Variants in LVRN observed in about 807,000 individuals in gnomAD.
The protein encoded by LVRN is aminopeptidase Q.
In LVRN, 99 loss-of-function variants were observed where a neutral mutation model predicts 111.4. The observed-to-expected ratio is 0.89, with a 90% CI of 0.76 to 1.05. LVRN has a LOEUF of 1.05. Among genes scored for constraint, LVRN ranks in the 50% least tolerant of loss-of-function variants. The pLI, the probability that LVRN is intolerant of heterozygous loss-of-function variation, is 0.00. For missense variants in LVRN, 1,414 were observed against 1,206.8 expected, an observed-to-expected ratio of 1.17 and a Z score of -2.54; for synonymous variants, 488 against 449.5, an observed-to-expected ratio of 1.09 and a Z score of -1.08.
intron 10 of LVRN, among the ~76,000 whole-genome samples, chr5:116,001,960 C>T (rs1178004415): frequency 6.6e-6 from 1 of 152,210 alleles, no homozygotes; most frequent in Non-Finnish European, 1.5e-5. Context: ...AATCTATTAG[C>T]TGATTTTCAA....
rs1747902211 is a variant in LVRN, at chr5:115,987,836, T to C, written c.1002T>C (p.Asp334=). The C allele has an allele frequency of 6.2e-7, 1 of 1,613,026 alleles. No individual in the cohort carries two copies. The highest frequency in any genetic ancestry group is 8.5e-7 in the Non-Finnish European group (1 of 1,179,554). The change falls in exon 4 of 20, where the codon GAT becomes GAC. Residue 334 remains aspartate, a synonymous_variant. Coordinates refer to ENST00000357872, the MANE Select transcript of LVRN (RefSeq NM_173800.5). The stretch of plus-strand genomic sequence containing the variant: ...AGATACGCATCTGGGCCCGGAAAGA[T>C]GCAATTGCAAATGGAAGTGCAGACT... The part of the protein sequence containing the change: ...GKEIRIWARK[D]AIANGSADFA...
At chr5:116,007,139 AGCCTTCGGTCC>A (rs1748392330) in intron 13 of LVRN, among the ~76,000 whole-genome samples, 1 of 152,244 alleles carries the variant, frequency 6.6e-6, no homozygotes, top group Non-Finnish European at 1.5e-5. Context: ...ATTAGCCTCC[AGCCTTCGGTCC>A]TTTTGAATTT....
In LVRN at chr5:116,000,496, A is replaced by C. The variant is rs754706191; in HGVS notation, c.1579A>C (p.Lys527Gln). ...TGAGCATTTATTTGTCAGTGCACTC[A>C]AGGTGAGTTTGCAAAATAGTCGTTA... ...LNEHLFVSAL[K>Q]SYLKTFSYSN... is the part of the protein sequence containing the mutation. Residue 527 changes from lysine (K) to glutamine (Q), a missense_variant and splice_region_variant, in exon 8 of 20, where the codon AAG (lysine) becomes CAG (glutamine). Coordinates refer to ENST00000357872, the MANE Select transcript of LVRN (RefSeq NM_173800.5). The C allele has an allele frequency of 4.3e-6, 7 of 1,614,132 alleles. No homozygotes were observed. Among genetic ancestry groups the C allele is most frequent in the Non-Finnish European group, 5.9e-6 (7 of 1,179,986 alleles).
intron 1 of LVRN, among the ~76,000 whole-genome samples, chr5:115,981,994 C>T (rs1268003637): frequency 6.6e-6 from 1 of 152,084 alleles, no homozygotes; most frequent in Non-Finnish European, 1.5e-5. Flanking sequence ...GTGTGACTGT[C>T]CTGCGTTGCT....
intron 1 of LVRN, among the ~76,000 whole-genome samples, chr5:115,973,695 T>C (rs1295942604): frequency 2.0e-5 from 3 of 152,188 alleles, no homozygotes; most frequent in African/African-American, 7.2e-5. Flanking sequence ...AAGTACAAAA[T>C]TGTTCAAAAT....
chr5:115,962,679 G>A lies in LVRN; in HGVS notation c.62G>A (p.Gly21Glu). 1 of 1,610,712 alleles carries A rather than the reference G, an allele frequency of 6.2e-7. No individual in the cohort carries two copies. Among genetic ancestry groups the A allele is most frequent in the South Asian group, 1.1e-5 (1 of 90,988 alleles). Reference protein sequence around the residue: ...VSRAVALLLAGLVAALLLALA... With the variant: ...VSRAVALLLAELVAALLLALA... The stretch of plus-strand genomic sequence containing the variant: ...CGCGCAGTGGCCCTGCTGCTGGCTG[G>A]GCTGGTAGCCGCCCTCCTGCTGGCG... The change falls in exon 1 of 20, where the codon GGG becomes GAG. Residue 21 changes from glycine (G) to glutamate (E), a missense_variant. Transcript: ENST00000357872.
In LVRN at chr5:116,012,507, A is replaced by G. The variant is rs368929791; in HGVS notation, c.2342+39A>G. 997 of 1,211,036 alleles carry G rather than the reference A, an allele frequency of 8.2e-4. 1 individual carries two copies. Among genetic ancestry groups the G allele is most frequent in the South Asian group, 1.4e-3 (103 of 71,732 alleles). The allele number at this position is 1,211,036 out of a possible 1,614,324, so 75.0% of individuals were successfully genotyped here. The stretch of plus-strand genomic sequence containing the variant: ...CAGAAGTGATAATTGAATAAAATGC[A>G]TTCATATTAATAGGCTTCCAGAAGT... On this transcript the variant is annotated intron_variant, in intron 15 of 19. Transcript: ENST00000357872.
In LVRN at chr5:115,987,858, G is replaced by T; in HGVS notation, c.1024G>T (p.Asp342Tyr). The T allele has an allele frequency of 6.2e-7, 1 of 1,613,348 alleles. No individual in the cohort carries two copies. Among genetic ancestry groups the T allele is most frequent in the South Asian group, 1.1e-5 (1 of 90,988 alleles). ...RKDAIANGSA[D>Y]FALNITGPIF... Reference sequence around the variant, plus strand: ...AGATGCAATTGCAAATGGAAGTGCAGACTTTGCTTTGAACATCACAGGTCC... The same window carrying T: ...AGATGCAATTGCAAATGGAAGTGCATACTTTGCTTTGAACATCACAGGTCC... Residue 342 changes from aspartate (D) to tyrosine (Y), a missense_variant, in exon 4 of 20, where the codon GAC (aspartate) becomes TAC (tyrosine). Coordinates refer to ENST00000357872, the MANE Select transcript of LVRN (RefSeq NM_173800.5).
intron 6 of LVRN, among the ~76,000 whole-genome samples, chr5:115,999,150 G>A (rs535997854): frequency 6.6e-6 from 1 of 152,270 alleles, no homozygotes; most frequent in Non-Finnish European, 1.5e-5. Context: ...TTTTCTTCTA[G>A]CTTTACTTCA....
intron 19 of LVRN, among the ~76,000 whole-genome samples, chr5:116,025,328 A>T (rs894794671): frequency 3.9e-5 from 6 of 152,218 alleles, no homozygotes; most frequent in Non-Finnish European, 8.8e-5. Context: ...TCTTATGGCT[A>T]TAAGCGTTCG....
intron 1 of LVRN, among the ~76,000 whole-genome samples, chr5:115,980,773 A>G (rs748215128): frequency 6.6e-6 from 1 of 152,084 alleles, no homozygotes; most frequent in Non-Finnish European, 1.5e-5. Flanking sequence ...ATACATGAGC[A>G]TGTATTTTTT....
intron 1 of LVRN, among the ~76,000 whole-genome samples, chr5:115,982,485 T>G (rs1404281977): frequency 1.3e-5 from 2 of 152,182 alleles, no homozygotes; most frequent in Non-Finnish European, 2.9e-5. Context: ...AAGCAAGTCT[T>G]GGCAAATGGG....
intron 3 of LVRN, among the ~76,000 whole-genome samples, 193 bp downstream of exon 3, chr5:115,984,902 A>G (rs536090030): frequency 4.6e-5 from 7 of 152,294 alleles, no homozygotes; most frequent in African/African-American, 1.7e-4. Flanking sequence ...TTCTTTGGAT[A>G]GGTTTTCACG....
chr5:115,985,777 T>G (rs1341657554), intron 3 of LVRN, among the ~76,000 whole-genome samples: 1 of 152,162 alleles, frequency 6.6e-6, no homozygotes, highest in African/African-American at 2.4e-5. Context: ...TTTAGGAAAA[T>G]ATGGAGGTCG....
chr5:116,025,837 C>A lies in LVRN; in HGVS notation c.2833-141C>A, dbSNP rs534676160. 28 of 1,047,598 alleles carry A rather than the reference C, an allele frequency of 2.7e-5. No homozygotes were observed. The South Asian group carries it at 3.8e-4, about 14-fold the overall frequency. 64.9% of individuals were successfully genotyped at this position (1,047,598 alleles called of 1,614,324 possible). On this transcript the variant is annotated intron_variant, in intron 19 of 19. Coordinates refer to ENST00000357872, the MANE Select transcript of LVRN (RefSeq NM_173800.5). The stretch of plus-strand genomic sequence containing the variant: ...CAGTCACAGTCTCCCCAGGGACACA[C>A]AACCTAGGAGTATACATTTCTACTC...
chr5:116,009,532 A>G (rs1748444320), intron 13 of LVRN, among the ~76,000 whole-genome samples: 1 of 152,338 alleles, frequency 6.6e-6, no homozygotes, highest in South Asian at 2.1e-4. Context: ...GTAGGGATTC[A>G]TCATTCCAAA....
rs1378095823 is a variant in LVRN at position 115,963,406 on chromosome 5, G to C, written c.695+94G>C. 3.1e-6 allele frequency: 3 copies of C among 963,024 alleles called. No homozygotes were observed. In the East Asian group the frequency reaches 7.9e-5, roughly 25 times the overall value. 59.7% of individuals were successfully genotyped at this position (963,024 alleles called of 1,614,324 possible). The stretch of plus-strand genomic sequence containing the variant: ...AGCTGACTACCGTGTCCAGGTGCGC[G>C]TCTGCTGCCCTTTCCAAAGAATCCC... On this transcript the variant is annotated intron_variant, in intron 1 of 19. Coordinates refer to ENST00000357872, the MANE Select transcript of LVRN (RefSeq NM_173800.5).
At position 116,000,477 on chromosome 5, in the gene LVRN, T is replaced by C. The variant is rs760612757; in HGVS notation, c.1560T>C (p.His520=). Residue 520 remains histidine (H), a synonymous_variant, in exon 8 of 20, where the codon CAT becomes CAC. Coordinates refer to ENST00000357872, the MANE Select transcript of LVRN (RefSeq NM_173800.5). ...ARMLSCFLNE[H]LFVSALKSYL... ...TGCTTTCTTGTTTCTTGAATGAGCA[T>C]TTATTTGTCAGTGCACTCAAGGTGA... 20 of 1,614,052 alleles carry C rather than the reference T, an allele frequency of 1.2e-5. No homozygotes were observed. The highest frequency in any genetic ancestry group is 1.4e-5 in the Non-Finnish European group (17 of 1,180,016).
At chr5:116,014,125 G>A (rs986688542) in intron 15 of LVRN, among the ~76,000 whole-genome samples, 4 of 152,198 alleles carry the variant, frequency 2.6e-5, no homozygotes, top group Middle Eastern at 3.2e-3. Context: ...GCTGTGGAGA[G>A]TGTGTACACC....
Sources: allele counts gnomAD v4.1 joint callset (sites outside exome capture counted in the v4.1 genomes callset), GRCh38; gene constraint gnomAD v4.1.1; transcripts MANE v1.5; gene names NCBI Gene and HGNC (gene_info 2026-07-23, HGNC 2026-07-21).